The following GUCY1A2 variants were observed in gnomAD, a reference collection of about 807,000 sequenced individuals.
GUCY1A2 encodes guanylate cyclase 1 soluble subunit alpha 2.
Under a neutral mutation model 63.5 loss-of-function variants are expected in GUCY1A2, and 27 were observed. The ratio of observed to expected loss-of-function variants is 0.43; its 90% confidence interval spans 0.31 to 0.59. The LOEUF is 0.59. Among genes scored for constraint, GUCY1A2 ranks in the 20% least tolerant of loss-of-function variants. The pLI is 0.11. For synonymous variants in GUCY1A2, 364 were observed against 343.5 expected, an observed-to-expected ratio of 1.06 and a Z score of -0.66; for missense variants, 768 against 913.3, an observed-to-expected ratio of 0.84 and a Z score of 2.05.
At chr11:106,791,755 G>GT (rs200439170) in intron 5 of GUCY1A2, among the ~76,000 whole-genome samples, 6,648 of 152,178 alleles carry the variant, frequency 0.044, 145 homozygotes, top group East Asian at 0.093. Context: ...CACCTCTCAT[G>GT]CCACATCTTT....
In GUCY1A2 at chr11:107,018,240, G is replaced by T; in HGVS notation, c.-185C>A. On this transcript the variant is annotated 5_prime_UTR_variant, in exon 1 of 8. Coordinates refer to ENST00000526355, the MANE Select transcript of GUCY1A2 (RefSeq NM_000855.3). ...GCCCCCCGAGCCGGCTGCTCATGGC[G>T]GGAACTTGGGGCGCCGCCGCACCTT... The T allele has an allele frequency of 5.9e-6, 1 of 168,514 alleles. No homozygotes were observed. Among genetic ancestry groups the T allele is most frequent in the South Asian group, 1.9e-4 (1 of 5,328 alleles). The allele number at this position is 168,514 out of a possible 1,614,324, so 10.4% of individuals were successfully genotyped here.
chr11:106,936,760 A>C, intron 4 of GUCY1A2: 3 of 1,030,976 alleles, frequency 2.9e-6, no homozygotes, highest in Non-Finnish European at 4.3e-6. Flanking sequence ...TTGGTATTAA[A>C]TGCACAAACA....
At chr11:106,821,193 T>C (rs1365543821) in intron 4 of GUCY1A2, among the ~76,000 whole-genome samples, 1 of 152,218 alleles carries the variant, frequency 6.6e-6, no homozygotes, top group Non-Finnish European at 1.5e-5. Flanking sequence ...TTTGGCATTC[T>C]GTTGTGCAAA....
chr11:106,728,327 C>A lies in GUCY1A2; in HGVS notation c.1837-19661G>T, dbSNP rs535352808. On this transcript the variant is annotated intron_variant, in intron 6 of 7. Coordinates refer to ENST00000526355, the MANE Select transcript of GUCY1A2 (RefSeq NM_000855.3). ...TCACCCTTTACTAGCCACAGTTTAT[C>A]ATCCCATCCTCTCTGCTATCCCAGT... Among the ~76,000 whole-genome samples, 10 of 152,258 alleles carry A rather than the reference C, an allele frequency of 6.6e-5. No homozygotes were observed. The South Asian group carries it at 2.1e-3, about 32-fold the overall frequency.
chr11:106,966,012 T>A (rs549672687), intron 3 of GUCY1A2, among the ~76,000 whole-genome samples: 41 of 152,250 alleles, frequency 2.7e-4, no homozygotes, highest in African/African-American at 9.6e-4. Flanking sequence ...ATAGAAATCC[T>A]ATGAGTTGCT....
At position 107,013,392 on chromosome 11, in the gene GUCY1A2, G is replaced by A. The variant is rs1190416862; in HGVS notation, c.303+4361C>T. ...GGGTAACTAAGCAACTCTCATTTAAGAATAAAATCCAAATAAATAAGTCGC... is the reference window on the plus strand; with the variant it reads ...GGGTAACTAAGCAACTCTCATTTAAAAATAAAATCCAAATAAATAAGTCGC... On this transcript the variant is annotated intron_variant, in intron 1 of 7. Coordinates refer to ENST00000526355, the MANE Select transcript of GUCY1A2 (RefSeq NM_000855.3). Among the ~76,000 whole-genome samples the A allele has an allele frequency of 2.0e-5, 3 of 152,300 alleles. No individual in the cohort carries two copies. In the South Asian group the frequency reaches 6.2e-4, roughly 32 times the overall value.
At chr11:106,922,013 A>C (rs1026118645) in intron 4 of GUCY1A2, among the ~76,000 whole-genome samples, 2 of 152,164 alleles carry the variant, frequency 1.3e-5, no homozygotes, top group African/African-American at 2.4e-5. Context: ...CTCAACCCCC[A>C]AAAAGCATTT....
intron 4 of GUCY1A2, among the ~76,000 whole-genome samples, chr11:106,881,237 G>A (rs959081307): frequency 1.3e-5 from 2 of 151,810 alleles, no homozygotes; most frequent in African/African-American, 2.4e-5. Context: ...TTACATATAG[G>A]GTTAATTGCA....
Position 106,681,428 on chromosome 11 carries a change from T to C in GUCY1A2, c.*6121A>G, listed in dbSNP as rs1157855057. On this transcript the variant is annotated 3_prime_UTR_variant, in exon 8 of 8. Transcript: ENST00000526355. ...ATTTATCCATCCTTAACTTCTTCCT[T>C]ACTATTATATACTACAAAGATCCAA... 2 of 223,504 alleles carry C rather than the reference T, an allele frequency of 8.9e-6. No individual in the cohort carries two copies. Among genetic ancestry groups the C allele is most frequent in the Non-Finnish European group, 1.8e-5 (2 of 111,876 alleles). The allele number at this position is 223,504 out of a possible 1,614,324, so 13.8% of individuals were successfully genotyped here.
chr11:106,844,553 T>C (rs542718053), intron 4 of GUCY1A2, among the ~76,000 whole-genome samples: 6 of 151,880 alleles, frequency 4.0e-5, no homozygotes, highest in Non-Finnish European at 7.4e-5. Context: ...GACTCACTGC[T>C]CTTAATTACT....
At position 106,917,109 on chromosome 11, in the gene GUCY1A2, A is replaced by T. The variant is rs916652259; in HGVS notation, c.1206+22351T>A. Among the ~76,000 whole-genome samples the T allele has an allele frequency of 1.4e-5, 2 of 145,708 alleles. 1 individual carries two copies. Among genetic ancestry groups the T allele is most frequent in the African/African-American group, 4.9e-5 (2 of 40,972 alleles). On this transcript the variant is annotated intron_variant, in intron 4 of 7. Coordinates refer to ENST00000526355, the MANE Select transcript of GUCY1A2 (RefSeq NM_000855.3). ...AATCATTACAGATAGTAGTGTTATA[A>T]AGAAAATAAACAGAGCACTGAGACT...
chr11:106,935,653 T>C (rs1860665854), intron 4 of GUCY1A2, among the ~76,000 whole-genome samples: 1 of 152,010 alleles, frequency 6.6e-6, no homozygotes, highest in African/African-American at 2.4e-5. Flanking sequence ...GAGACCAGTC[T>C]GGCCTCAAAC....
At position 106,902,741 on chromosome 11, in the gene GUCY1A2, TG is replaced by T. The variant is rs371020695; in HGVS notation, c.1206+36718del. On this transcript the variant is annotated intron_variant, in intron 4 of 7. Coordinates refer to ENST00000526355, the MANE Select transcript of GUCY1A2 (RefSeq NM_000855.3). ...TAAAAACCTGTTTCTGTACTGAACA[TG>T]TACAGACTATTTCCTTGTCATTGTT... 2.0e-4 allele frequency among the ~76,000 whole-genome samples: 30 copies of T among 152,356 alleles called. No individual in the cohort carries two copies. In the East Asian group the frequency reaches 4.8e-3, roughly 24 times the overall value.
intron 2 of GUCY1A2, among the ~76,000 whole-genome samples, chr11:106,981,740 C>G (rs200997232): frequency 1.6e-5 from 2 of 128,632 alleles, no homozygotes. Flanking sequence ...AAATTTCAGT[C>G]AAAAAAAAAA....
At chr11:106,829,808 T>C (rs1162297903) in intron 4 of GUCY1A2, among the ~76,000 whole-genome samples, 1 of 152,142 alleles carries the variant, frequency 6.6e-6, no homozygotes, top group East Asian at 1.9e-4. Context: ...TGTCTTTTAG[T>C]ATTACCATGC....
intron 6 of GUCY1A2, among the ~76,000 whole-genome samples, chr11:106,775,782 G>T (rs1220806645): frequency 7.4e-6 from 1 of 135,690 alleles, no homozygotes; most frequent in East Asian, 2.4e-4. Flanking sequence ...CCAAATATAA[G>T]ATTTCTGATT....
intron 1 of GUCY1A2, among the ~76,000 whole-genome samples, chr11:107,007,393 A>G (rs992680280): frequency 6.6e-6 from 1 of 152,188 alleles, no homozygotes; most frequent in Non-Finnish European, 1.5e-5. Context: ...GAAAGGCTAG[A>G]AATGTCTTTG....
At chr11:106,719,023 C>T (rs78469199) in intron 6 of GUCY1A2, among the ~76,000 whole-genome samples, 1 of 152,070 alleles carries the variant, frequency 6.6e-6, no homozygotes, top group African/African-American at 2.4e-5. Flanking sequence ...ACATTTATAG[C>T]ATTAATCAAA....
At chr11:106,743,540 C>T (rs775945846) in intron 6 of GUCY1A2, among the ~76,000 whole-genome samples, 2 of 152,190 alleles carry the variant, frequency 1.3e-5, no homozygotes, top group African/African-American at 2.4e-5. Context: ...CTTCCTGTCA[C>T]TCAATTACCC....
Sources: allele counts gnomAD v4.1 joint callset (sites outside exome capture counted in the v4.1 genomes callset), GRCh38; gene constraint gnomAD v4.1.1; transcripts MANE v1.5; gene names NCBI Gene and HGNC (gene_info 2026-07-23, HGNC 2026-07-21).